GALNT13: variants seen among roughly 807,000 people sequenced by gnomAD.
The protein encoded by GALNT13 is UDP-GalNAc:polypeptide N-acetylgalactosaminyltransferase 13.
A neutral mutation model predicts 64.2 loss-of-function variants in GALNT13; 28 were observed. The observed-to-expected ratio is 0.44, with a 90% CI of 0.32 to 0.60. GALNT13 has a LOEUF of 0.60. GALNT13 is among the 20% of genes least tolerant of loss of function. The pLI, the probability that GALNT13 is intolerant of heterozygous loss-of-function variation, is 0.05. For missense variants in GALNT13, 577 were observed against 669.8 expected (o/e 0.86, Z 1.53); for synonymous variants, 214 against 224.6 (o/e 0.95, Z 0.42).
At chr2:153,361,515 G>T in the GALNT13 span, among the ~76,000 whole-genome samples, 1 of 152,154 alleles carries the variant, frequency 6.6e-6, no homozygotes, top group Admixed American at 6.5e-5. Context: ...AACCAGCTTA[G>T]AGGGGAACAA....
chr2:154,399,238 G>A (rs1237485301), intron 10 of GALNT13, among the ~76,000 whole-genome samples: 2 of 152,110 alleles, frequency 1.3e-5, no homozygotes, highest in Admixed American at 6.6e-5. Context: ...GTAACATAGT[G>A]AGAACCCATC....
At chr2:153,968,658 T>G (rs1248045422) in intron 3 of GALNT13, among the ~76,000 whole-genome samples, 2 of 152,204 alleles carry the variant, frequency 1.3e-5, no homozygotes, top group African/African-American at 4.8e-5. Flanking sequence ...TCGTTCTACC[T>G]TCCTCTGAAA....
intron 4 of GALNT13, among the ~76,000 whole-genome samples, chr2:154,183,568 T>C (rs963334707): frequency 4.6e-5 from 7 of 151,968 alleles, no homozygotes. Flanking sequence ...AAACATTAGC[T>C]GGGTATGGTA....
At chr2:154,073,386 G>A (rs1700836001) in intron 3 of GALNT13, among the ~76,000 whole-genome samples, 1 of 151,894 alleles carries the variant, frequency 6.6e-6, no homozygotes, top group Non-Finnish European at 1.5e-5. Context: ...TGAGTCATTC[G>A]AATAAAACAA....
At chr2:153,183,284 G>T in the GALNT13 span, among the ~76,000 whole-genome samples, 2 of 152,154 alleles carry the variant, frequency 1.3e-5, no homozygotes, top group South Asian at 4.1e-4. Context: ...CTTCTTTTGA[G>T]AAGTGTCTGT....
At chr2:153,889,841 G>A (rs1371922850) in intron 1 of GALNT13, among the ~76,000 whole-genome samples, 5 of 151,958 alleles carry the variant, frequency 3.3e-5, no homozygotes, top group African/African-American at 7.2e-5. Context: ...AATTTATTGA[G>A]ATACATACTT....
intron 3 of GALNT13, among the ~76,000 whole-genome samples, chr2:154,103,351 T>TA (rs1368054286): frequency 1.3e-5 from 2 of 152,182 alleles, no homozygotes; most frequent in Admixed American, 1.3e-4. Flanking sequence ...AATTGTTTTT[T>TA]AAAAAACATA....
the GALNT13 span, among the ~76,000 whole-genome samples, chr2:153,826,595 G>A: frequency 6.6e-6 from 1 of 152,122 alleles, no homozygotes; most frequent in Non-Finnish European, 1.5e-5. Context: ...TGCTTCTGGA[G>A]AAACCCAAAG....
chr2:153,277,595 C>T, the GALNT13 span, among the ~76,000 whole-genome samples: 3 of 152,042 alleles, frequency 2.0e-5, no homozygotes, highest in African/African-American at 4.8e-5. Flanking sequence ...GTCAAATGGT[C>T]GTTCTGTTTT....
intron 1 of GALNT13, among the ~76,000 whole-genome samples, chr2:153,886,381 G>A (rs1253467533): frequency 2.1e-5 from 3 of 142,902 alleles, no homozygotes; most frequent in African/African-American, 7.8e-5. Context: ...CCCCGCAACA[G>A]GCCCCAGTGT....
intron 2 of GALNT13, among the ~76,000 whole-genome samples, chr2:153,922,262 T>G (rs1413182956): frequency 6.6e-6 from 1 of 152,156 alleles, no homozygotes; most frequent in Non-Finnish European, 1.5e-5. Flanking sequence ...TCACAGAAAT[T>G]AATAGATAAG....
chr2:153,910,235 C>T (rs1457376126), intron 2 of GALNT13, among the ~76,000 whole-genome samples: 4 of 151,910 alleles, frequency 2.6e-5, no homozygotes, highest in Non-Finnish European at 4.4e-5. Context: ...TAGAGGTATT[C>T]GTAGTAGTCT....
At chr2:153,408,072 C>T in the GALNT13 span, among the ~76,000 whole-genome samples, 2 of 152,162 alleles carry the variant, frequency 1.3e-5, no homozygotes, top group African/African-American at 4.8e-5. Flanking sequence ...TTCAAATTTC[C>T]CTTCGCTCCT....
intron 4 of GALNT13, among the ~76,000 whole-genome samples, chr2:154,202,132 A>G (rs1304211412): frequency 1.3e-5 from 2 of 152,108 alleles, no homozygotes; most frequent in African/African-American, 4.8e-5. Context: ...GCAGGGGAGA[A>G]AAATAACTAT....
intron 9 of GALNT13, among the ~76,000 whole-genome samples, chr2:154,344,869 A>C (rs1695978888): frequency 6.6e-6 from 1 of 152,044 alleles, no homozygotes; most frequent in African/African-American, 2.4e-5. Flanking sequence ...TTGAGCTTTT[A>C]GAAGAGTTAA....
At chr2:154,121,852 T>C (rs1439038534) in intron 3 of GALNT13, among the ~76,000 whole-genome samples, 1 of 152,132 alleles carries the variant, frequency 6.6e-6, no homozygotes, top group Non-Finnish European at 1.5e-5. Flanking sequence ...TTTCTCTTTC[T>C]TGCCTTATTG....
the GALNT13 span, among the ~76,000 whole-genome samples, chr2:153,202,127 GGCGCCCGCCACC>G: frequency 3.3e-5 from 5 of 151,806 alleles, no homozygotes; most frequent in African/African-American, 9.7e-5. Flanking sequence ...TGGGACTACA[GGCGCCCGCCACC>G]GCGCCCGGCT....
the GALNT13 span, among the ~76,000 whole-genome samples, chr2:153,437,911 C>A: frequency 1.3e-5 from 2 of 152,224 alleles, no homozygotes; most frequent in African/African-American, 4.8e-5. Flanking sequence ...GATGCAGTTT[C>A]TTCCTAGCCT....
chr2:154,386,716 CTG>C (rs983478272), intron 9 of GALNT13, among the ~76,000 whole-genome samples: 3 of 152,020 alleles, frequency 2.0e-5, no homozygotes, highest in Admixed American at 6.6e-5. Context: ...ACTGTTCAGT[CTG>C]TGTTTGTCTC....
Sources: allele counts gnomAD v4.1 joint callset (sites outside exome capture counted in the v4.1 genomes callset), GRCh38; gene constraint gnomAD v4.1.1; transcripts MANE v1.5; gene names NCBI Gene and HGNC (gene_info 2026-07-23, HGNC 2026-07-21).